KHDRBS2: variants seen among roughly 807,000 people sequenced by gnomAD.
KHDRBS2 encodes the protein KH domain-containing, RNA-binding, signal transduction-associated protein 2.
KHDRBS2 carries 26 observed loss-of-function variants against 44.3 expected under a neutral mutation model. That is an observed-to-expected ratio of 0.59 (90% CI 0.43 to 0.81). The LOEUF (loss-of-function observed/expected upper bound fraction) is 0.81, where lower values mean the gene tolerates loss of function less well. Ranked by LOEUF, KHDRBS2 falls within the 40% of genes least tolerant of loss-of-function variation. The probability of loss-of-function intolerance (pLI) is 0.00; values close to 1 mark genes in which losing one functional copy is unlikely to be tolerated. For missense variants in KHDRBS2, 476 were observed against 433.1 expected (o/e 1.10, Z -0.88); for synonymous variants, 194 against 151.1 (o/e 1.28, Z -2.08).
chr6:61,779,978 A>G (rs1201494), intron 6 of KHDRBS2, among the ~76,000 whole-genome samples: 99,774 of 151,902 alleles, frequency 0.66, 33,532 homozygotes, highest in African/African-American at 0.81. Context: ...TTCCTCTCCT[A>G]AGCTAAATTT....
chr6:62,232,619 C>T (rs1833066235), intron 1 of KHDRBS2, among the ~76,000 whole-genome samples: 1 of 152,134 alleles, frequency 6.6e-6, no homozygotes, highest in Non-Finnish European at 1.5e-5. Context: ...CTGAAATACA[C>T]ACACCTGAAA....
chr6:62,069,723 G>A (rs1193513225), intron 2 of KHDRBS2, among the ~76,000 whole-genome samples: 2 of 151,760 alleles, frequency 1.3e-5, no homozygotes, highest in Non-Finnish European at 2.9e-5. Context: ...TAGCAACAAG[G>A]AGATGGTTAT....
At chr6:62,037,911 C>T (rs1312699615) in intron 3 of KHDRBS2, among the ~76,000 whole-genome samples, 1 of 151,970 alleles carries the variant, frequency 6.6e-6, no homozygotes, top group African/African-American at 2.4e-5. Context: ...AAAGAGTAAA[C>T]TACTTTGCAT....
intron 4 of KHDRBS2, among the ~76,000 whole-genome samples, chr6:61,959,238 C>T (rs1768098186): frequency 6.6e-6 from 1 of 152,126 alleles, no homozygotes; most frequent in Admixed American, 6.6e-5. Flanking sequence ...AATATAAGGG[C>T]ATACTCTTAG....
the KHDRBS2 span, among the ~76,000 whole-genome samples, chr6:61,622,934 A>T: frequency 6.6e-6 from 1 of 152,128 alleles, no homozygotes; most frequent in Non-Finnish European, 1.5e-5. Flanking sequence ...ACCTAAAGAA[A>T]GAGAGCCAAT....
chr6:61,812,419 A>G (rs537890715), intron 6 of KHDRBS2, among the ~76,000 whole-genome samples: 1 of 152,262 alleles, frequency 6.6e-6, no homozygotes, highest in East Asian at 1.9e-4. Context: ...CAGACCTTTC[A>G]TGAGGAGCTT....
At chr6:61,669,113 G>A in the KHDRBS2 span, among the ~76,000 whole-genome samples, 1 of 150,822 alleles carries the variant, frequency 6.6e-6, no homozygotes, top group East Asian at 2.0e-4. Context: ...ATATAGACAG[G>A]CATAATATAC....
intron 3 of KHDRBS2, among the ~76,000 whole-genome samples, chr6:62,017,188 C>G (rs777698902): frequency 7.2e-5 from 11 of 152,238 alleles, no homozygotes; most frequent in Middle Eastern, 3.4e-3. Context: ...CTATAGGAGG[C>G]TGTGCCTAGG....
chr6:61,812,309 C>A (rs193186743), intron 6 of KHDRBS2, among the ~76,000 whole-genome samples: 3 of 151,948 alleles, frequency 2.0e-5, no homozygotes. Context: ...TGTACTATAC[C>A]TCTTTAACTT....
At position 62,250,287 on chromosome 6, in the gene KHDRBS2, AAAT is replaced by A. The variant is rs1163988287; in HGVS notation, c.91+35568_91+35570del. On this transcript the variant is annotated intron_variant, in intron 1 of 8. Transcript: ENST00000281156. ...AACATTATCTCTTGATATTTCCTGT[AAAT>A]AATACCATAAAATGACAAACTTTAG... Among the ~76,000 whole-genome samples, 7 of 152,256 alleles carry A rather than the reference AAAT, an allele frequency of 4.6e-5. No homozygotes were observed. The South Asian group carries it at 1.4e-3, about 32-fold the overall frequency.
intron 7 of KHDRBS2, among the ~76,000 whole-genome samples, chr6:61,730,491 A>G (rs1774279080): frequency 6.6e-6 from 1 of 152,142 alleles, no homozygotes; most frequent in Non-Finnish European, 1.5e-5. Context: ...AGGATTTGGA[A>G]CAAATAACGA....
intron 6 of KHDRBS2, among the ~76,000 whole-genome samples, chr6:61,836,895 T>C (rs933931218): frequency 2.0e-5 from 3 of 152,102 alleles, no homozygotes; most frequent in African/African-American, 7.2e-5. Context: ...GATTCTATCA[T>C]ATTATGCAGA....
intron 6 of KHDRBS2, among the ~76,000 whole-genome samples, chr6:61,772,913 A>G (rs972900678): frequency 1.3e-5 from 2 of 152,030 alleles, no homozygotes; most frequent in Non-Finnish European, 2.9e-5. Context: ...TTCTTGCGAT[A>G]GTTTACTGAG....
chr6:61,812,404 A>C (rs917303344), intron 6 of KHDRBS2, among the ~76,000 whole-genome samples: 8 of 152,116 alleles, frequency 5.3e-5, no homozygotes, highest in Non-Finnish European at 8.8e-5. Context: ...ATGCTTATTA[A>C]ATGCCAGACC....
rs145978633 is a variant in KHDRBS2, at chr6:62,130,213, C to A, written c.219+46972G>T. The stretch of plus-strand genomic sequence containing the variant: ...ATTAGGGCCATAATTGTGGTAGAAT[C>A]ATCCCCTTTAATGAGTAAGTAGAGA... On this transcript the variant is annotated intron_variant, in intron 2 of 8. Coordinates refer to ENST00000281156, the MANE Select transcript of KHDRBS2 (RefSeq NM_152688.4). Among the ~76,000 whole-genome samples, 1,245 of 152,242 alleles carry A rather than the reference C, an allele frequency of 8.2e-3. 10 individuals are homozygous for A. The highest frequency in any genetic ancestry group is 0.014 in the Non-Finnish European group (948 of 68,012).
intron 2 of KHDRBS2, among the ~76,000 whole-genome samples, chr6:62,170,498 A>G (rs1819766397): frequency 6.6e-6 from 1 of 152,038 alleles, no homozygotes; most frequent in Admixed American, 6.6e-5. Flanking sequence ...CAGAAGAACC[A>G]CGCAGGACAG....
chr6:62,112,345 T>A (rs1448401181), intron 2 of KHDRBS2, among the ~76,000 whole-genome samples: 2 of 152,080 alleles, frequency 1.3e-5, no homozygotes, highest in Non-Finnish European at 2.9e-5. Context: ...GCGGCTTTGA[T>A]GGGGGAAATG....
chr6:61,899,604 T>G (rs77687032), intron 5 of KHDRBS2, among the ~76,000 whole-genome samples: 10,239 of 151,926 alleles, frequency 0.067, 412 homozygotes, highest in Middle Eastern at 0.13. Context: ...TTCTCTGAAA[T>G]TAAAATCTTA....
At chr6:62,032,045 T>C (rs1199890097) in intron 3 of KHDRBS2, among the ~76,000 whole-genome samples, 1 of 152,064 alleles carries the variant, frequency 6.6e-6, no homozygotes, top group Admixed American at 6.6e-5. Context: ...GAGACAGAGA[T>C]TCTGCATGTT....
Sources: gnomAD v4.1 joint callset for allele counts (sites outside exome capture counted in the v4.1 genomes callset) on GRCh38, gnomAD v4.1.1 for gene constraint, MANE v1.5 for transcripts, NCBI Gene and HGNC (gene_info 2026-07-23, HGNC 2026-07-21) for gene names.